Variants in VIT observed in about 807,000 individuals in gnomAD.
VIT encodes the protein vitrin.
A neutral mutation model predicts 78.0 loss-of-function variants in VIT; 99 were observed. The observed-to-expected ratio is 1.27, with a 90% confidence interval of 1.08 to 1.50. The LOEUF is 1.50. VIT is among the 40% of genes most tolerant of loss of function. The pLI is 0.00. For synonymous variants in VIT, 374 were observed against 334.3 expected, an observed-to-expected ratio of 1.12 and a Z score of -1.29; for missense variants, 1,126 against 875.3, an observed-to-expected ratio of 1.29 and a Z score of -3.61.
chr2:36,770,826 T>G (rs915440942), intron 7 of VIT, among the ~76,000 whole-genome samples: 3 of 152,184 alleles, frequency 2.0e-5, no homozygotes, highest in Non-Finnish European at 4.4e-5. Flanking sequence ...CATGGTTGCC[T>G]CAGCTGAGCT....
chr2:36,746,242 A>T (rs1186505935), intron 4 of VIT, among the ~76,000 whole-genome samples: 1 of 152,128 alleles, frequency 6.6e-6, no homozygotes, highest in East Asian at 1.9e-4. Context: ...ATCTATGTTC[A>T]TCAGAGATAT....
intron 1 of VIT, among the ~76,000 whole-genome samples, chr2:36,703,308 C>A (rs1476557513): frequency 6.6e-6 from 1 of 152,132 alleles, no homozygotes; most frequent in African/African-American, 2.4e-5. Flanking sequence ...CTTTCCCCTA[C>A]CTAGATGCAG....
chr2:36,719,344 T>G lies in VIT; in HGVS notation c.52+2922T>G, dbSNP rs80314134. 0.022 allele frequency among the ~76,000 whole-genome samples: 3,357 copies of G among 152,086 alleles called. 231 individuals are homozygous for G. In the East Asian group the frequency reaches 0.26, roughly 12 times the overall value. ...GTACTGGAAGTCCTACCCAGAGCAA[T>G]TAGACAAGGAAAGGAAATAAAGACA... On this transcript the variant is annotated intron_variant, in intron 2 of 15. Coordinates refer to ENST00000379242, the MANE Select transcript of VIT (RefSeq NM_053276.4).
chr2:36,811,403 G>A (rs189840108), intron 15 of VIT, among the ~76,000 whole-genome samples: 30 of 152,266 alleles, frequency 2.0e-4, no homozygotes, highest in Non-Finnish European at 2.8e-4. Context: ...TACTCATCAG[G>A]AAAAATGAAG....
chr2:36,766,488 G>T (rs147239921), intron 6 of VIT, among the ~76,000 whole-genome samples: 1 of 152,218 alleles, frequency 6.6e-6, no homozygotes, highest in African/African-American at 2.4e-5. Context: ...CTATAATTGT[G>T]CCACTGCACT....
chr2:36,719,853 A>AT (rs1390388728), intron 2 of VIT, among the ~76,000 whole-genome samples: 1 of 152,118 alleles, frequency 6.6e-6, no homozygotes, highest in Admixed American at 6.5e-5. Context: ...AGGTGGGAAG[A>AT]TCACCTGAGC....
chr2:36,719,211 G>A (rs1457450274), intron 2 of VIT, among the ~76,000 whole-genome samples: 1 of 152,180 alleles, frequency 6.6e-6, no homozygotes, highest in Non-Finnish European at 1.5e-5. Flanking sequence ...GGCCAGGTAT[G>A]ACAGGGCCAC....
intron 13 of VIT, among the ~76,000 whole-genome samples, chr2:36,803,130 C>A (rs144444219): frequency 1.8e-4 from 28 of 152,342 alleles, no homozygotes; most frequent in Non-Finnish European, 3.2e-4. Flanking sequence ...TTCACACCCA[C>A]AACATGGATC....
At chr2:36,726,831 A>C (rs1387573870) in intron 2 of VIT, among the ~76,000 whole-genome samples, 3 of 147,188 alleles carry the variant, frequency 2.0e-5, no homozygotes, top group Admixed American at 1.4e-4. Flanking sequence ...AAAAAAAAAA[A>C]AAAAAAAAAA....
At chr2:36,757,705 C>G (rs1419775663) in intron 5 of VIT, among the ~76,000 whole-genome samples, 1 of 152,146 alleles carries the variant, frequency 6.6e-6, no homozygotes, top group Non-Finnish European at 1.5e-5. Flanking sequence ...ATAGGTAACA[C>G]CAGAAGAAAT....
intron 8 of VIT, 22 bp downstream of exon 8, chr2:36,773,869 C>G (rs750652762): frequency 6.3e-7 from 1 of 1,577,712 alleles, no homozygotes; most frequent in Admixed American, 1.7e-5. Flanking sequence ...AACTCCCTTT[C>G]CAGCCACTGA....
chr2:36,808,536 C>A lies in VIT; in HGVS notation c.1454C>A (p.Thr485Asn), dbSNP rs1666905334. 6.2e-7 allele frequency: 1 copy of A among 1,613,918 alleles called. No homozygotes were observed. Among genetic ancestry groups the A allele is most frequent in the Non-Finnish European group, 8.5e-7 (1 of 1,180,022 alleles). The stretch of plus-strand genomic sequence containing the variant: ...CAGAGCTGGTTTGGCCTCCACAAGA[C>A]CCTGCAGCCTCTGGTGAAGCGGGTC... ...HVQSWFGLHK[T>N]LQPLVKRVCD... The change falls in exon 15 of 16, where the codon ACC becomes AAC. Residue 485 changes from threonine to asparagine, a missense_variant. Physicochemically the swap from Thr to Asn is moderately conservative, Grantham distance 65. Transcript: ENST00000379242.
At chr2:36,749,905 G>A (rs1668355068) in intron 4 of VIT, among the ~76,000 whole-genome samples, 1 of 152,182 alleles carries the variant, frequency 6.6e-6, no homozygotes, top group Non-Finnish European at 1.5e-5. Context: ...TAGACTCTCT[G>A]AAATTTGAGG....
At chr2:36,765,881 C>A (rs1669399103) in intron 6 of VIT, among the ~76,000 whole-genome samples, 1 of 152,218 alleles carries the variant, frequency 6.6e-6, no homozygotes, top group South Asian at 2.1e-4. Flanking sequence ...TTTAAGCCAC[C>A]CAGTTTGTGG....
Position 36,808,739 on chromosome 2 carries a change from C to T in VIT, c.1657C>T (p.Gln553Ter), listed in dbSNP as rs1399167523. Residue 553 changes from glutamine (Q) to a stop codon, truncating the protein, a stop_gained, in exon 15 of 16, where the codon CAG becomes TAG. Transcript: ENST00000379242. LOFTEE classifies it high-confidence loss of function. ...CACGGACACGCGCATCGGGGCCGTGCAGTACACCTACGAACAGCGGCTGGA... is the reference window on the plus strand; with the variant it reads ...CACGGACACGCGCATCGGGGCCGTGTAGTACACCTACGAACAGCGGCTGGA... ...SDTDTRIGAV[Q>*]YTYEQRLEFG... The T allele has an allele frequency of 6.2e-7, 1 of 1,614,202 alleles. No individual in the cohort carries two copies.
At chr2:36,813,392 T>G (rs1667328308) in intron 15 of VIT, among the ~76,000 whole-genome samples, 1 of 152,056 alleles carries the variant, frequency 6.6e-6, no homozygotes, top group African/African-American at 2.4e-5. Context: ...GAGGTTGCAG[T>G]GAGTGGAGGT....
At chr2:36,797,185 C>G (rs1233126144) in intron 12 of VIT, among the ~76,000 whole-genome samples, 1 of 151,446 alleles carries the variant, frequency 6.6e-6, no homozygotes, top group Non-Finnish European at 1.5e-5. Context: ...GAAGCTTATA[C>G]AGTTTGGGGG....
intron 1 of VIT, among the ~76,000 whole-genome samples, chr2:36,698,747 C>T (rs977545442): frequency 6.6e-6 from 1 of 152,024 alleles, no homozygotes; most frequent in Non-Finnish European, 1.5e-5. Context: ...AGTTCGAGAC[C>T]AGCCTGGCCA....
chr2:36,773,325 T>TA (rs1431998652), intron 7 of VIT, among the ~76,000 whole-genome samples: 4 of 152,044 alleles, frequency 2.6e-5, no homozygotes, highest in African/African-American at 9.7e-5. Context: ...ATACTCTTTT[T>TA]TTTTTTTTCA....
Sources: gnomAD v4.1 joint callset for allele counts (sites outside exome capture counted in the v4.1 genomes callset) on GRCh38, gnomAD v4.1.1 for gene constraint, MANE v1.5 for transcripts, NCBI Gene and HGNC (gene_info 2026-07-23, HGNC 2026-07-21) for gene names.